FSIP1: variants seen among roughly 807,000 people sequenced by gnomAD.
FSIP1 encodes fibrous sheath-interacting protein 1.
In FSIP1, 65 loss-of-function variants were observed where a neutral mutation model predicts 60.9. The observed-to-expected ratio is 1.07, with a 90% confidence interval of 0.87 to 1.31. The LOEUF is 1.31. Ranked by LOEUF, FSIP1 falls within the 40% of genes most tolerant of loss-of-function variation. The pLI is 0.00. For synonymous variants in FSIP1, 209 were observed against 221.2 expected (o/e 0.94, Z 0.49); for missense variants, 675 against 665.5 (o/e 1.01, Z -0.16).
intron 10 of FSIP1, among the ~76,000 whole-genome samples, chr15:39,666,295 G>A (rs1566876433): frequency 6.6e-6 from 1 of 152,152 alleles, no homozygotes. Context: ...TTATCTATAA[G>A]TCCGCAATTT....
intron 10 of FSIP1, among the ~76,000 whole-genome samples, chr15:39,648,829 T>C (rs745536076): frequency 4.6e-5 from 7 of 152,156 alleles, no homozygotes; most frequent in Non-Finnish European, 8.8e-5. Context: ...CTTCAAATAA[T>C]CTGAGCATTC....
chr15:39,620,659 G>A (rs948648519), intron 10 of FSIP1, among the ~76,000 whole-genome samples: 2 of 150,780 alleles, frequency 1.3e-5, no homozygotes, highest in Middle Eastern at 3.5e-3. Context: ...TGGCGCAATC[G>A]TGGCTCACTG....
intron 10 of FSIP1, among the ~76,000 whole-genome samples, chr15:39,698,442 A>C (rs956081798): frequency 2.6e-5 from 4 of 152,026 alleles, no homozygotes; most frequent in African/African-American, 9.7e-5. Flanking sequence ...TATTCTCTTT[A>C]AATAATAGGT....
At chr15:39,671,493 C>T (rs1461052697) in intron 10 of FSIP1, among the ~76,000 whole-genome samples, 2 of 151,928 alleles carry the variant, frequency 1.3e-5, no homozygotes, top group Admixed American at 1.3e-4. Context: ...TTTAAAAAAC[C>T]TGAAGGCTCC....
At chr15:39,673,830 T>A (rs762464546) in intron 10 of FSIP1, among the ~76,000 whole-genome samples, 4 of 152,014 alleles carry the variant, frequency 2.6e-5, no homozygotes, top group Non-Finnish European at 4.4e-5. Flanking sequence ...TGAATAATAA[T>A]AATTGGCTTA....
chr15:39,781,042 G>A (rs1487435332), intron 1 of FSIP1, among the ~76,000 whole-genome samples: 1 of 152,096 alleles, frequency 6.6e-6, no homozygotes, highest in African/African-American at 2.4e-5. Flanking sequence ...GTTAAGACAA[G>A]GAAAACAAAA....
intron 11 of FSIP1, among the ~76,000 whole-genome samples, chr15:39,611,229 G>A (rs1891017678): frequency 6.6e-6 from 1 of 152,146 alleles, no homozygotes. Context: ...AAAGTTGTCG[G>A]GGGGAGGGCG....
At chr15:39,659,839 C>T (rs938088489) in intron 10 of FSIP1, among the ~76,000 whole-genome samples, 1 of 152,028 alleles carries the variant, frequency 6.6e-6, no homozygotes, top group African/African-American at 2.4e-5. Context: ...AAAATTGGAA[C>T]GTAATAATGT....
chr15:39,634,999 G>C (rs1479531611), intron 10 of FSIP1, among the ~76,000 whole-genome samples: 1 of 152,038 alleles, frequency 6.6e-6, no homozygotes, highest in Non-Finnish European at 1.5e-5. Context: ...CCCCTATGAG[G>C]TACAAGCAAA....
chr15:39,668,244 G>T (rs1318962971), intron 10 of FSIP1, among the ~76,000 whole-genome samples: 1 of 147,950 alleles, frequency 6.8e-6, no homozygotes, highest in Non-Finnish European at 1.5e-5. Context: ...AGCATTCCAT[G>T]AATATTTGTT....
chr15:39,728,245 C>A (rs1896273809), intron 8 of FSIP1, among the ~76,000 whole-genome samples: 1 of 152,162 alleles, frequency 6.6e-6, no homozygotes, highest in Admixed American at 6.5e-5. Flanking sequence ...CTATTCCTAT[C>A]AAACTACCAA....
At chr15:39,680,189 T>C (rs779214080) in intron 10 of FSIP1, among the ~76,000 whole-genome samples, 1 of 152,136 alleles carries the variant, frequency 6.6e-6, no homozygotes, top group African/African-American at 2.4e-5. Flanking sequence ...AAAAATTCTA[T>C]TAATAAACAT....
At chr15:39,692,321 C>T (rs545595645) in intron 10 of FSIP1, among the ~76,000 whole-genome samples, 74 of 152,324 alleles carry the variant, frequency 4.9e-4, no homozygotes, top group Admixed American at 2.5e-3. Context: ...CAACTATAAA[C>T]GATTATTCAC....
At position 39,776,460 on chromosome 15, in the gene FSIP1, G is replaced by A. The variant is rs895759444; in HGVS notation, c.65C>T (p.Pro22Leu). 1 of 1,613,280 alleles carries A rather than the reference G, an allele frequency of 6.2e-7. No homozygotes were observed. The highest frequency in any genetic ancestry group is 8.5e-7 in the Non-Finnish European group (1 of 1,179,298). ...SKPASNSRIR[P>L]GSRSSNASLE... ...AGAAGCATTTGAACTTCTGCTCCCAGGGCGTATTCTTGAATTTGAAGCTGG... is the reference window on the plus strand; with the variant it reads ...AGAAGCATTTGAACTTCTGCTCCCAAGGCGTATTCTTGAATTTGAAGCTGG... Residue 22 changes from proline to leucine, a missense_variant, in exon 2 of 12, where the codon CCT becomes CTT. Pro to Leu is a moderately conservative substitution (Grantham distance 98). Coordinates refer to ENST00000350221, the MANE Select transcript of FSIP1 (RefSeq NM_152597.5).
At chr15:39,692,004 T>G (rs746365151) in intron 10 of FSIP1, among the ~76,000 whole-genome samples, 1 of 152,198 alleles carries the variant, frequency 6.6e-6, no homozygotes, top group Non-Finnish European at 1.5e-5. Flanking sequence ...TTTTACAGAA[T>G]GCCCGCAAGT....
At chr15:39,652,061 C>A (rs1413464390) in intron 10 of FSIP1, among the ~76,000 whole-genome samples, 1 of 152,178 alleles carries the variant, frequency 6.6e-6, no homozygotes, top group Non-Finnish European at 1.5e-5. Context: ...GCATAAGTTA[C>A]ACTCCCATAA....
intron 10 of FSIP1, among the ~76,000 whole-genome samples, chr15:39,695,240 G>A (rs956770476): frequency 6.6e-6 from 1 of 151,862 alleles, no homozygotes; most frequent in Non-Finnish European, 1.5e-5. Flanking sequence ...ATTGCCTTTG[G>A]TGTTTAATTG....
chr15:39,607,474 C>T (rs1320507440), intron 11 of FSIP1, among the ~76,000 whole-genome samples: 8 of 152,136 alleles, frequency 5.3e-5, no homozygotes, highest in Non-Finnish European at 7.4e-5. Flanking sequence ...TTATTTGTCC[C>T]GTAAAACCCC....
At chr15:39,780,313 G>A (rs1566925104) in intron 1 of FSIP1, among the ~76,000 whole-genome samples, 1 of 152,120 alleles carries the variant, frequency 6.6e-6, no homozygotes, top group East Asian at 1.9e-4. Flanking sequence ...CACGAGGTCA[G>A]GAGGATCAAG....
Sources: allele counts gnomAD v4.1 joint callset (sites outside exome capture counted in the v4.1 genomes callset), GRCh38; gene constraint gnomAD v4.1.1; transcripts MANE v1.5; gene names NCBI Gene and HGNC (gene_info 2026-07-23, HGNC 2026-07-21).